The following GLIS3 variants were observed in gnomAD, a reference collection of about 807,000 sequenced individuals.
The protein encoded by GLIS3 is zinc finger protein GLIS3.
Under a neutral mutation model 78.6 loss-of-function variants are expected in GLIS3, and 53 were observed. The ratio of observed to expected loss-of-function variants is 0.67; its 90% confidence interval spans 0.54 to 0.85. The LOEUF (loss-of-function observed/expected upper bound fraction) is 0.85. GLIS3 is among the 40% of genes least tolerant of loss of function. The probability of loss-of-function intolerance (pLI) is 0.00; values close to 1 mark genes in which losing one functional copy is unlikely to be tolerated. For missense variants in GLIS3, 1,703 were observed against 1,231.1 expected, an observed-to-expected ratio of 1.38 and a Z score of -5.74; for synonymous variants, 684 against 509.9, an observed-to-expected ratio of 1.34 and a Z score of -4.60.
At chr9:4,462,357 T>G in the GLIS3 span, among the ~76,000 whole-genome samples, 1 of 152,160 alleles carries the variant, frequency 6.6e-6, no homozygotes, top group African/African-American at 2.4e-5. Context: ...AATTGTCTTG[T>G]TGAATGAGGT....
At chr9:3,911,562 C>T (rs1415603970) in intron 6 of GLIS3, among the ~76,000 whole-genome samples, 1 of 152,174 alleles carries the variant, frequency 6.6e-6, no homozygotes, top group East Asian at 1.9e-4. Flanking sequence ...TACACTACAA[C>T]ATTAGTAACC....
intron 6 of GLIS3, among the ~76,000 whole-genome samples, chr9:3,915,374 G>C (rs955901222): frequency 6.6e-6 from 1 of 152,058 alleles, no homozygotes; most frequent in African/African-American, 2.4e-5. Flanking sequence ...GTCAGTGGCT[G>C]CTCACGGTAT....
chr9:4,041,047 G>A lies in GLIS3; in HGVS notation c.1710+76721C>T, dbSNP rs1456949861. Among the ~76,000 whole-genome samples the A allele has an allele frequency of 8.5e-5, 13 of 152,208 alleles. 1 individual carries two copies. On this transcript the variant is annotated intron_variant, in intron 4 of 10. Transcript: ENST00000381971. ...CTTTGAAAGTGAAGGATAGTTATGTGGAGTGAGTACCATCAAGAAGGTGTT... is the reference window on the plus strand; with the variant it reads ...CTTTGAAAGTGAAGGATAGTTATGTAGAGTGAGTACCATCAAGAAGGTGTT...
At chr9:4,153,790 T>A (rs1250886458) in intron 2 of GLIS3, among the ~76,000 whole-genome samples, 1 of 152,248 alleles carries the variant, frequency 6.6e-6, no homozygotes, top group Non-Finnish European at 1.5e-5. Context: ...CTTGTATACA[T>A]GTTCTGATTA....
intron 2 of GLIS3, among the ~76,000 whole-genome samples, chr9:4,187,691 C>T (rs1817937532): frequency 6.6e-6 from 1 of 152,134 alleles, no homozygotes; most frequent in African/African-American, 2.4e-5. Context: ...GTTTGTAGTT[C>T]TCCTTGAAGA....
At chr9:4,440,551 T>A in the GLIS3 span, among the ~76,000 whole-genome samples, 2 of 152,314 alleles carry the variant, frequency 1.3e-5, no homozygotes, top group East Asian at 3.9e-4. Flanking sequence ...CTGTTTTTAT[T>A]GGTTATTTTA....
intron 4 of GLIS3, among the ~76,000 whole-genome samples, chr9:4,105,644 A>C (rs539043873): frequency 1.2e-4 from 18 of 152,176 alleles, no homozygotes; most frequent in South Asian, 6.2e-4. Flanking sequence ...AGTGACATTC[A>C]TTTTTTCCGA....
chr9:4,101,254 A>C (rs139221763), intron 4 of GLIS3, among the ~76,000 whole-genome samples: 1 of 152,194 alleles, frequency 6.6e-6, no homozygotes, highest in South Asian at 2.1e-4. Flanking sequence ...GAGATTATGC[A>C]TGGGACAGTG....
intron 2 of GLIS3, among the ~76,000 whole-genome samples, chr9:4,323,919 C>G (rs1817570033): frequency 5.3e-5 from 8 of 152,210 alleles, no homozygotes; most frequent in Admixed American, 4.6e-4. Context: ...ACTGAAACCA[C>G]TTTCTCTGCA....
intron 2 of GLIS3, among the ~76,000 whole-genome samples, chr9:4,267,511 T>A (rs1286256880): frequency 6.6e-6 from 1 of 152,152 alleles, no homozygotes; most frequent in African/African-American, 2.4e-5. Context: ...TACCCAAATA[T>A]CTGAATAAAA....
At chr9:4,321,250 C>A (rs71510215) in intron 2 of GLIS3, among the ~76,000 whole-genome samples, 6 of 134,226 alleles carry the variant, frequency 4.5e-5, no homozygotes, top group Non-Finnish European at 9.2e-5. Context: ...GAAACCCCGT[C>A]TCTACTAAAA....
intron 2 of GLIS3, among the ~76,000 whole-genome samples, chr9:4,210,733 G>T (rs751054315): frequency 6.6e-4 from 100 of 152,206 alleles, no homozygotes; most frequent in Non-Finnish European, 1.0e-3. Flanking sequence ...GTACCTGCAG[G>T]CCCCACTGGC....
chr9:3,831,678 T>C (rs1359542145), intron 9 of GLIS3, among the ~76,000 whole-genome samples: 1 of 152,220 alleles, frequency 6.6e-6, no homozygotes, highest in Non-Finnish European at 1.5e-5. Context: ...GGACAGAGAT[T>C]GCAGCGCTAG....
intron 4 of GLIS3, among the ~76,000 whole-genome samples, chr9:4,000,091 G>A (rs547932805): frequency 3.0e-4 from 46 of 152,072 alleles, no homozygotes; most frequent in Non-Finnish European, 6.0e-4. Context: ...TATCCATGAT[G>A]GTTAAATGAA....
intron 4 of GLIS3, among the ~76,000 whole-genome samples, chr9:4,045,153 T>G (rs1255825847): frequency 6.6e-6 from 1 of 152,108 alleles, no homozygotes; most frequent in Non-Finnish European, 1.5e-5. Context: ...ATTTACTGAT[T>G]CAATTTTGTG....
chr9:4,125,775 T>G lies in GLIS3; in HGVS notation c.555A>C (p.Ala185=), dbSNP rs752433935. 1.3e-5 allele frequency: 21 copies of G among 1,613,950 alleles called. 1 individual carries two copies. The highest frequency in any genetic ancestry group is 6.7e-5 in the Admixed American group (4 of 60,000). Residue 185 remains alanine, a synonymous_variant, in exon 3 of 11, where the codon GCA becomes GCC. Coordinates refer to ENST00000381971, the MANE Select transcript of GLIS3 (RefSeq NM_001042413.2). ...GTATATTCAGGTTGGCTGCATTCATTGCCCTCTGTAAGCTAGGACTGATCT... is the reference window on the plus strand; with the variant it reads ...GTATATTCAGGTTGGCTGCATTCATGGCCCTCTGTAAGCTAGGACTGATCT... The part of the protein sequence containing the change: ...CNQISPSLQR[A]MNAANLNIPP...
chr9:4,232,025 T>G (rs1033768254), intron 2 of GLIS3, among the ~76,000 whole-genome samples: 5 of 152,138 alleles, frequency 3.3e-5, no homozygotes, highest in African/African-American at 1.2e-4. Context: ...TTTAGCTTTG[T>G]ATAGGATTTG....
At chr9:4,274,286 C>T (rs1288687710) in intron 2 of GLIS3, among the ~76,000 whole-genome samples, 1 of 152,102 alleles carries the variant, frequency 6.6e-6, no homozygotes, top group Non-Finnish European at 1.5e-5. Flanking sequence ...ATGCTGCATC[C>T]CTTGATCAAA....
intron 4 of GLIS3, among the ~76,000 whole-genome samples, chr9:4,069,271 G>A (rs1367199909): frequency 6.6e-6 from 1 of 152,172 alleles, no homozygotes; most frequent in African/African-American, 2.4e-5. Context: ...TTGCTCTTCT[G>A]GGTCTCCTTC....
Sources: allele counts gnomAD v4.1 joint callset (sites outside exome capture counted in the v4.1 genomes callset), GRCh38; gene constraint gnomAD v4.1.1; transcripts MANE v1.5; gene names NCBI Gene and HGNC (gene_info 2026-07-23, HGNC 2026-07-21).